Variants in UGT1A10 observed in about 807,000 individuals in gnomAD.
UGT1A10 encodes the protein UDP-glucuronosyltransferase 1A10.
In UGT1A10, 49 loss-of-function variants were observed where a neutral mutation model predicts 45.8. That is an observed-to-expected ratio of 1.07 (90% confidence interval 0.85 to 1.36). The LOEUF (loss-of-function observed/expected upper bound fraction) is 1.36, where lower values mean the gene tolerates loss of function less well. Among genes scored for constraint, UGT1A10 ranks in the 40% most tolerant of loss-of-function variants. The pLI, the probability that UGT1A10 is intolerant of heterozygous loss-of-function variation, is 0.00. For synonymous variants in UGT1A10, 284 were observed against 249.7 expected (o/e 1.14, Z -1.29); for missense variants, 745 against 668.6 (o/e 1.11, Z -1.26).
chr2:233,757,541 T>TATACATATACATATAC (rs1229454769), intron 1 of UGT1A10, among the ~76,000 whole-genome samples: 1 of 117,592 alleles, frequency 8.5e-6, no homozygotes, highest in Admixed American at 8.1e-5. Context: ...AAGGAATATA[T>TATACATATACATATAC]ATATATATAT....
chr2:233,752,822 A>T (rs1200323713), intron 1 of UGT1A10, among the ~76,000 whole-genome samples: 1 of 152,248 alleles, frequency 6.6e-6, no homozygotes, highest in East Asian at 1.9e-4. Flanking sequence ...CCCATTTATG[A>T]CATCAGTAAT....
At chr2:233,768,582 CTTTTTTTTT>C (rs139595073) in intron 4 of UGT1A10, 143 bp downstream of exon 4, 1,382 of 1,030,410 alleles carry the variant, frequency 1.3e-3, no homozygotes, top group Middle Eastern at 4.4e-3. Flanking sequence ...TTTATTTCTT[CTTTTTTTTT>C]TTTTTTTTTT....
At chr2:233,743,532 G>T in intron 1 of UGT1A10, 1 of 1,367,232 alleles carries the variant, frequency 7.3e-7, no homozygotes, top group South Asian at 1.1e-5. Context: ...TTCCCCAGCA[G>T]TTCCTCTGAC....
chr2:233,645,199 T>G (rs1250620678), intron 1 of UGT1A10, among the ~76,000 whole-genome samples: 2 of 152,164 alleles, frequency 1.3e-5, no homozygotes, highest in Non-Finnish European at 2.9e-5. Context: ...CTTGAGAGAC[T>G]TATTCACTAT....
At chr2:233,652,890 C>T (rs755728486) in intron 1 of UGT1A10, among the ~76,000 whole-genome samples, 8 of 152,070 alleles carry the variant, frequency 5.3e-5, no homozygotes, top group Non-Finnish European at 1.2e-4. Context: ...TATTTATGAC[C>T]CAGATTTGGA....
intron 1 of UGT1A10, among the ~76,000 whole-genome samples, chr2:233,670,275 T>C (rs2074156021): frequency 6.6e-6 from 1 of 152,202 alleles, no homozygotes; most frequent in Non-Finnish European, 1.5e-5. Flanking sequence ...TTGGTTTTGC[T>C]GTTTCAGGGG....
rs867393133 is a variant in UGT1A10 at position 233,772,500 on chromosome 2, C to T, written c.1534C>T (p.Arg512Trp). ...CTTTAAATGTTGTGCTTATGGCTACCGGAAATGCTTGGGGAAAAAAGGGCG... is the reference window on the plus strand; with the variant it reads ...CTTTAAATGTTGTGCTTATGGCTACTGGAAATGCTTGGGGAAAAAAGGGCG... ...ITFKCCAYGY[R>W]KCLGKKGRVK... Residue 512 changes from arginine (R) to tryptophan (W), a missense_variant, in exon 5 of 5, where the codon CGG becomes TGG. Arg to Trp is a moderately radical substitution (Grantham distance 101). Coordinates refer to ENST00000344644, the MANE Select transcript of UGT1A10 (RefSeq NM_019075.4). 25 of 1,614,078 alleles carry T rather than the reference C, an allele frequency of 1.5e-5. No homozygotes were observed. Among genetic ancestry groups the T allele is most frequent in the African/African-American group, 8.0e-5 (6 of 74,994 alleles).
At chr2:233,726,038 C>T (rs1360509529) in intron 1 of UGT1A10, among the ~76,000 whole-genome samples, 1 of 152,198 alleles carries the variant, frequency 6.6e-6, no homozygotes, top group African/African-American at 2.4e-5. Context: ...TGATGGCGCA[C>T]ACCTGTGGTC....
chr2:233,685,233 A>G (rs1021314023), intron 1 of UGT1A10, among the ~76,000 whole-genome samples: 1 of 152,146 alleles, frequency 6.6e-6, no homozygotes, highest in African/African-American at 2.4e-5. Context: ...GGGTTTCACC[A>G]TGTTGGCCAG....
intron 1 of UGT1A10, among the ~76,000 whole-genome samples, chr2:233,721,048 T>A (rs1417218537): frequency 6.6e-6 from 1 of 152,110 alleles, no homozygotes. Flanking sequence ...TGAGCCCTTT[T>A]TTGTCATATT....
intron 1 of UGT1A10, chr2:233,729,363 C>A (rs747061628): frequency 6.2e-7 from 1 of 1,614,038 alleles, no homozygotes; most frequent in Admixed American, 1.7e-5. Context: ...CCCTGACAAC[C>A]TATGCCATTT....
intron 1 of UGT1A10, among the ~76,000 whole-genome samples, chr2:233,664,877 T>C (rs953913354): frequency 2.0e-5 from 3 of 152,220 alleles, no homozygotes; most frequent in African/African-American, 7.2e-5. Flanking sequence ...TTGTGCCACT[T>C]CATGGACCTC....
rs534272894 is a variant in UGT1A10, at chr2:233,668,452, C to T, written c.855+31075C>T. Among the ~76,000 whole-genome samples the T allele has an allele frequency of 1.2e-3, 179 of 152,288 alleles. 1 individual carries two copies. Among genetic ancestry groups the T allele is most frequent in the South Asian group, 6.8e-3 (33 of 4,822 alleles). ...TGCCACATTTTCTTAATCCAGTCTA[C>T]CACTGATGGACATTTGGGTTGCTTC... On this transcript the variant is annotated intron_variant, in intron 1 of 4. Coordinates refer to ENST00000344644, the MANE Select transcript of UGT1A10 (RefSeq NM_019075.4).
intron 1 of UGT1A10, among the ~76,000 whole-genome samples, chr2:233,724,338 T>C (rs2077227587): frequency 6.9e-6 from 1 of 145,520 alleles, no homozygotes; most frequent in African/African-American, 2.6e-5. Context: ...GGCGGGGGGC[T>C]GACCCCCCCC....
rs559410870 is a variant in UGT1A10, at chr2:233,649,169, C to T, written c.855+11792C>T. 2.8e-5 allele frequency: 13 copies of T among 459,274 alleles called. No individual in the cohort carries two copies. The East Asian group carries it at 3.6e-4, about 13-fold the overall frequency. The allele number at this position is 459,274 out of a possible 1,614,324, so 28.4% of individuals were successfully genotyped here. ...GTAAAAAATTATTTTGTGCCATCCA[C>T]GTGTTTGTTGGTTAGCAACTTTTAT... On this transcript the variant is annotated intron_variant, in intron 1 of 4. Transcript: ENST00000344644.
chr2:233,652,739 A>C (rs1385068065), intron 1 of UGT1A10, among the ~76,000 whole-genome samples: 9 of 152,238 alleles, frequency 5.9e-5, no homozygotes, highest in African/African-American at 2.2e-4. Context: ...TCTCTTCAAC[A>C]GAGGTCGCTG....
intron 1 of UGT1A10, among the ~76,000 whole-genome samples, chr2:233,676,207 T>C (rs2074350761): frequency 6.6e-6 from 1 of 152,164 alleles, no homozygotes; most frequent in Non-Finnish European, 1.5e-5. Flanking sequence ...CTCTGATGAA[T>C]CCTTCACCGA....
At chr2:233,681,838 C>T (rs1406886700) in intron 1 of UGT1A10, 1 of 1,515,864 alleles carries the variant, frequency 6.6e-7, no homozygotes, top group African/African-American at 1.4e-5. Flanking sequence ...TGAATAAGTA[C>T]ACGCCTTCTT....
chr2:233,747,552 A>T, intron 1 of UGT1A10: 1 of 1,601,266 alleles, frequency 6.2e-7, no homozygotes, highest in Middle Eastern at 1.7e-4. Flanking sequence ...TTCTAAAAGT[A>T]TGGCAATTTT....
Sources: allele counts gnomAD v4.1 joint callset (sites outside exome capture counted in the v4.1 genomes callset), GRCh38; gene constraint gnomAD v4.1.1; transcripts MANE v1.5; gene names NCBI Gene and HGNC (gene_info 2026-07-23, HGNC 2026-07-21).